Variants in CRK observed in about 807,000 individuals in gnomAD.
CRK encodes adapter molecule crk.
Under a neutral mutation model 29.8 loss-of-function variants are expected in CRK, and 4 were observed. That is an observed-to-expected ratio of 0.13 (90% CI 0.07 to 0.31). The LOEUF is 0.31. CRK is among the 10% of genes least tolerant of loss of function. The probability of loss-of-function intolerance (pLI) is 1.00; values close to 1 mark genes in which losing one functional copy is unlikely to be tolerated. For synonymous variants in CRK, 153 were observed against 164.9 expected (o/e 0.93, Z 0.55); for missense variants, 274 against 396.5 (o/e 0.69, Z 2.62).
At chr17:1,425,238 C>T (rs562105592) in intron 2 of CRK, among the ~76,000 whole-genome samples, 6 of 151,770 alleles carry the variant, frequency 4.0e-5, no homozygotes, top group East Asian at 2.0e-4. Context: ...TACAGCCGCC[C>T]GCCACCACGC....
intron 1 of CRK, among the ~76,000 whole-genome samples, chr17:1,445,744 C>T (rs1263780671): frequency 6.6e-6 from 1 of 152,106 alleles, no homozygotes; most frequent in African/African-American, 2.4e-5. Flanking sequence ...ACTGCCTGGT[C>T]AAGAAAACTC....
intron 1 of CRK, among the ~76,000 whole-genome samples, chr17:1,442,097 T>C (rs2073939725): frequency 6.6e-6 from 1 of 151,734 alleles, no homozygotes; most frequent in Non-Finnish European, 1.5e-5. Context: ...GCTCCAGAGA[T>C]CCACTTGCCT....
intron 1 of CRK, among the ~76,000 whole-genome samples, chr17:1,444,465 C>G (rs2073958122): frequency 6.6e-6 from 1 of 151,966 alleles, no homozygotes; most frequent in African/African-American, 2.4e-5. Flanking sequence ...GCGGAGCCTG[C>G]AGTGAGTCAA....
chr17:1,444,088 C>T (rs1469528732), intron 1 of CRK, among the ~76,000 whole-genome samples: 2 of 152,048 alleles, frequency 1.3e-5, no homozygotes, highest in Non-Finnish European at 2.9e-5. Flanking sequence ...TCCCCCTTGG[C>T]CTCCCAAAGT....
intron 1 of CRK, among the ~76,000 whole-genome samples, chr17:1,440,512 G>C (rs1414923251): frequency 2.0e-5 from 3 of 152,012 alleles, no homozygotes; most frequent in African/African-American, 7.2e-5. Flanking sequence ...GGGCACAGTG[G>C]TTTACGTCTG....
Position 1,437,028 on chromosome 17 carries a change from C to A in CRK, c.369G>T (p.Gln123His). The change falls in exon 2 of 3, where the codon CAG becomes CAT. Residue 123 changes from glutamine to histidine, a missense_variant. Gln to His is a conservative substitution (Grantham distance 24). Transcript: ENST00000300574. ...CCTGCCTGAGAATCACTCCACTACC[C>A]TGCCTGGATCTGGAAACTGGTTCTA... ...TLIEPVSRSRQGSGVILRQEE... is the reference protein window; with the variant it reads ...TLIEPVSRSRHGSGVILRQEE... The A allele has an allele frequency of 6.2e-7, 1 of 1,614,148 alleles. No homozygotes were observed. Among genetic ancestry groups the A allele is most frequent in the Non-Finnish European group, 8.5e-7 (1 of 1,180,034 alleles).
At chr17:1,441,237 T>A (rs74444904) in intron 1 of CRK, among the ~76,000 whole-genome samples, 4,935 of 151,748 alleles carry the variant, frequency 0.033, 234 homozygotes, top group African/African-American at 0.11. Context: ...CTTGGCTTTG[T>A]TTTTTGAGAC....
intron 2 of CRK, among the ~76,000 whole-genome samples, chr17:1,430,881 C>A (rs1365780258): frequency 1.3e-5 from 2 of 151,176 alleles, no homozygotes; most frequent in African/African-American, 2.4e-5. Flanking sequence ...TCCTGGCTAA[C>A]ACGGTGAAAC....
chr17:1,443,769 G>C (rs1351362110), intron 1 of CRK, among the ~76,000 whole-genome samples: 1 of 149,022 alleles, frequency 6.7e-6, no homozygotes, highest in Non-Finnish European at 1.5e-5. Flanking sequence ...GCAGGATCTC[G>C]GCTCAATGCA....
At chr17:1,429,430 T>A (rs370829608) in intron 2 of CRK, among the ~76,000 whole-genome samples, 10 of 152,000 alleles carry the variant, frequency 6.6e-5, no homozygotes, top group Admixed American at 4.6e-4. Flanking sequence ...CCCGCCACCA[T>A]GCTCAGTTAA....
At chr17:1,433,818 A>G (rs1419093837) in intron 2 of CRK, among the ~76,000 whole-genome samples, 1 of 119,100 alleles carries the variant, frequency 8.4e-6, no homozygotes, top group Non-Finnish European at 1.7e-5. Flanking sequence ...CGCACCCAGC[A>G]TGTATGGTTT....
chr17:1,448,111 C>T (rs1170299206), intron 1 of CRK, among the ~76,000 whole-genome samples: 1 of 151,964 alleles, frequency 6.6e-6, no homozygotes, highest in Non-Finnish European at 1.5e-5. Flanking sequence ...CACTGCACTC[C>T]AGCCTGGGCG....
At chr17:1,426,981 A>T (rs2073784827) in intron 2 of CRK, among the ~76,000 whole-genome samples, 1 of 140,362 alleles carries the variant, frequency 7.1e-6, no homozygotes, top group Non-Finnish European at 1.5e-5. Flanking sequence ...GCAGTGAGCC[A>T]AGATAGTACC....
chr17:1,443,953 G>C (rs922944780), intron 1 of CRK, among the ~76,000 whole-genome samples: 1 of 151,494 alleles, frequency 6.6e-6, no homozygotes. Context: ...GCCCGCCTCG[G>C]CCTCCCAAAG....
chr17:1,452,098 G>A (rs2074022738), intron 1 of CRK, among the ~76,000 whole-genome samples: 4 of 152,172 alleles, frequency 2.6e-5, no homozygotes, highest in Admixed American at 6.6e-5. Context: ...CCAAAAGAAC[G>A]CTGGCTTTGA....
At chr17:1,441,457 T>C (rs1018612854) in intron 1 of CRK, among the ~76,000 whole-genome samples, 42 of 151,994 alleles carry the variant, frequency 2.8e-4, no homozygotes, top group African/African-American at 9.9e-4. Context: ...GCCTTCTGAG[T>C]AGCTGGGACT....
intron 1 of CRK, among the ~76,000 whole-genome samples, chr17:1,438,218 C>T (rs1394865903): frequency 6.6e-6 from 1 of 152,090 alleles, no homozygotes; most frequent in South Asian, 2.1e-4. Context: ...CAGCCTTGAC[C>T]TCCCAGGCTC....
intron 1 of CRK, among the ~76,000 whole-genome samples, chr17:1,440,103 T>A (rs1175461906): frequency 6.6e-6 from 1 of 150,688 alleles, no homozygotes; most frequent in Non-Finnish European, 1.5e-5. Context: ...ATCAAGACCA[T>A]CCTGGCTAAC....
At chr17:1,429,819 G>C (rs573747798) in intron 2 of CRK, among the ~76,000 whole-genome samples, 2 of 151,982 alleles carry the variant, frequency 1.3e-5, no homozygotes, top group Admixed American at 1.3e-4. Flanking sequence ...TGTAGTCCCA[G>C]CTACTTGGGA....
Sources: gnomAD v4.1 joint callset for allele counts (sites outside exome capture counted in the v4.1 genomes callset) on GRCh38, gnomAD v4.1.1 for gene constraint, MANE v1.5 for transcripts, NCBI Gene and HGNC (gene_info 2026-07-23, HGNC 2026-07-21) for gene names.